AGPS: variants seen among roughly 807,000 people sequenced by gnomAD.
AGPS encodes the protein alkyldihydroxyacetonephosphate synthase, peroxisomal.
Under a neutral mutation model 90.7 loss-of-function variants are expected in AGPS, and 26 were observed. The observed-to-expected ratio is 0.29, with a 90% CI of 0.21 to 0.40. The LOEUF is 0.40. AGPS is among the 10% of genes least tolerant of loss of function. The pLI is 1.00. For synonymous variants in AGPS, 294 were observed against 285.3 expected (o/e 1.03, Z -0.31); for missense variants, 540 against 816.1 (o/e 0.66, Z 4.12).
At chr2:177,468,309 C>A in intron 9 of AGPS, 107 bp from the exon 10 acceptor site, 1 of 627,086 alleles carries the variant, frequency 1.6e-6, no homozygotes, top group Non-Finnish European at 2.8e-6. Flanking sequence ...ATTACTTAAC[C>A]CAATACTTTA....
At chr2:177,400,784 G>A (rs1271713739) in intron 1 of AGPS, among the ~76,000 whole-genome samples, 1 of 152,104 alleles carries the variant, frequency 6.6e-6, no homozygotes, top group African/African-American at 2.4e-5. Flanking sequence ...ATAAGCAGGG[G>A]AATGCTCAGG....
chr2:177,427,176 G>C (rs898866920), intron 2 of AGPS, among the ~76,000 whole-genome samples: 20 of 152,134 alleles, frequency 1.3e-4, no homozygotes, highest in African/African-American at 4.8e-4. Context: ...TTTGATGATT[G>C]TTTGTATTTC....
chr2:177,433,950 C>T (rs1311217427), intron 2 of AGPS, among the ~76,000 whole-genome samples: 3 of 152,104 alleles, frequency 2.0e-5, no homozygotes, highest in African/African-American at 7.2e-5. Context: ...AAACACTGTG[C>T]TCTGGTTCTT....
chr2:177,398,067 A>G (rs546850107), intron 1 of AGPS, among the ~76,000 whole-genome samples: 2 of 152,298 alleles, frequency 1.3e-5, no homozygotes, highest in Non-Finnish European at 1.5e-5. Flanking sequence ...ATTATTTAAC[A>G]TCTGCCGGAA....
chr2:177,487,749 T>G (rs1688136536), intron 11 of AGPS, among the ~76,000 whole-genome samples: 1 of 152,164 alleles, frequency 6.6e-6, no homozygotes, highest in South Asian at 2.1e-4. Context: ...GTCAAGTGTT[T>G]GGTTAATTGG....
chr2:177,396,185 C>G (rs998685025), intron 1 of AGPS, among the ~76,000 whole-genome samples: 1 of 152,014 alleles, frequency 6.6e-6, no homozygotes, highest in South Asian at 2.1e-4. Context: ...CAGCATATGA[C>G]AAAGCAAGGG....
chr2:177,496,644 G>T (rs1688421101), intron 12 of AGPS, among the ~76,000 whole-genome samples: 1 of 151,906 alleles, frequency 6.6e-6, no homozygotes, highest in African/African-American at 2.4e-5. Context: ...TTAGCCTCTG[G>T]TTAAGACTTC....
chr2:177,505,656 C>A, intron 15 of AGPS, 81 bp downstream of exon 15: 1 of 1,280,608 alleles, frequency 7.8e-7, no homozygotes, highest in Non-Finnish European at 1.1e-6. Context: ...ATGCAATTGT[C>A]TTCCCTATTT....
intron 5 of AGPS, among the ~76,000 whole-genome samples, chr2:177,440,425 T>G (rs996814880): frequency 6.6e-5 from 10 of 152,072 alleles, no homozygotes; most frequent in African/African-American, 2.4e-4. Flanking sequence ...AACTTAATCA[T>G]GAGGAAACAT....
At chr2:177,445,463 G>T in intron 7 of AGPS, 83 bp from the exon 8 acceptor site, 1 of 1,218,090 alleles carries the variant, frequency 8.2e-7, no homozygotes, top group Non-Finnish European at 1.2e-6. Flanking sequence ...CTTACCACTT[G>T]TTGCTTTGAA....
rs1300638544 is a variant in AGPS at position 177,392,789 on chromosome 2, C to A, written c.-1C>A. The A allele has an allele frequency of 1.3e-6, 2 of 1,493,726 alleles. No individual in the cohort carries two copies. Among genetic ancestry groups the A allele is most frequent in the Non-Finnish European group, 1.8e-6 (2 of 1,135,134 alleles). 92.5% of individuals were successfully genotyped at this position (1,493,726 alleles called of 1,614,324 possible). A position where few individuals can be genotyped will look rare whatever the true frequency, so the allele number is the denominator to read the frequency against. On this transcript the variant is annotated 5_prime_UTR_variant, in exon 1 of 20. Transcript: ENST00000264167. ...CCGGGCGGCAGCACAAGGCGGTAGC[C>A]ATGGCGGAGGCGGCGGCTGCAGCGG...
At chr2:177,415,018 T>C (rs763627802) in intron 1 of AGPS, among the ~76,000 whole-genome samples, 16 of 151,998 alleles carry the variant, frequency 1.1e-4, no homozygotes, top group Non-Finnish European at 2.1e-4. Flanking sequence ...ATATGCAGTG[T>C]TATTTAGTGT....
chr2:177,406,747 A>C (rs779269288), intron 1 of AGPS, among the ~76,000 whole-genome samples: 1 of 152,254 alleles, frequency 6.6e-6, no homozygotes, highest in South Asian at 2.1e-4. Flanking sequence ...TGATTATTGA[A>C]GTAATAACAA....
chr2:177,505,390 A>G lies in AGPS; in HGVS notation c.1476-116A>G, dbSNP rs537802332. On this transcript the variant is annotated intron_variant, in intron 14 of 19. Transcript: ENST00000264167. ...GAAATTAAGATGAAACAGAAATATT[A>G]AAAGTGTTTTCAGATTTTTGTTATT... The G allele has an allele frequency of 3.7e-5, 33 of 903,224 alleles. No individual in the cohort carries two copies. The African/African-American group carries it at 4.0e-4, about 11-fold the overall frequency. The allele number at this position is 903,224 out of a possible 1,614,324, so 56.0% of individuals were successfully genotyped here.
intron 1 of AGPS, among the ~76,000 whole-genome samples, chr2:177,418,536 A>G (rs969555515): frequency 6.6e-6 from 1 of 152,030 alleles, no homozygotes; most frequent in African/African-American, 2.4e-5. Context: ...TATTTTGTAG[A>G]GAACAGAATT....
intron 10 of AGPS, among the ~76,000 whole-genome samples, chr2:177,474,284 A>G (rs1010435104): frequency 6.6e-6 from 1 of 152,182 alleles, no homozygotes; most frequent in African/African-American, 2.4e-5. Context: ...TCCTTAGCTC[A>G]GCTAAAATCT....
chr2:177,512,259 A>AT (rs568997501), intron 16 of AGPS, among the ~76,000 whole-genome samples: 5 of 151,944 alleles, frequency 3.3e-5, no homozygotes, highest in African/African-American at 4.8e-5. Context: ...GTTTTATGAG[A>AT]TTTTTTTTAA....
intron 1 of AGPS, among the ~76,000 whole-genome samples, chr2:177,410,944 G>A (rs1030167475): frequency 9.2e-5 from 14 of 152,046 alleles, no homozygotes; most frequent in Admixed American, 2.0e-4. Context: ...ATTTCTATTC[G>A]GACAATCTTT....
At position 177,542,278 on chromosome 2, in the gene AGPS, A is replaced by C. The variant is rs1244283463; in HGVS notation, c.*4083A>C. The C allele has an allele frequency of 3.3e-5, 5 of 152,146 alleles. No individual in the cohort carries two copies. 9.4% of individuals were successfully genotyped at this position (152,146 alleles called of 1,614,324 possible). ...GTTAGCTAGGTTTTGTCAATCCCTA[A>C]TCATTTTTTAAAATCAATGCTGTAT... On this transcript the variant is annotated 3_prime_UTR_variant, in exon 20 of 20. Coordinates refer to ENST00000264167, the MANE Select transcript of AGPS (RefSeq NM_003659.4).
Sources: gnomAD v4.1 joint callset for allele counts (sites outside exome capture counted in the v4.1 genomes callset) on GRCh38, gnomAD v4.1.1 for gene constraint, MANE v1.5 for transcripts, NCBI Gene and HGNC (gene_info 2026-07-23, HGNC 2026-07-21) for gene names.